The following CDH13 variants were observed in gnomAD, a reference collection of about 807,000 sequenced individuals.
The protein encoded by CDH13 is cadherin-13.
In CDH13, 24 loss-of-function variants were observed where a neutral mutation model predicts 63.8. The observed-to-expected ratio is 0.38, with a 90% CI of 0.27 to 0.53. The LOEUF is 0.53. CDH13 is among the 20% of genes least tolerant of loss of function. The pLI is 0.85. For synonymous variants in CDH13, 503 were observed against 355.3 expected (o/e 1.42, Z -4.67); for missense variants, 1,049 against 903.1 (o/e 1.16, Z -2.07).
chr16:83,611,226 C>A (rs1408930768), intron 8 of CDH13, among the ~76,000 whole-genome samples: 1 of 151,916 alleles, frequency 6.6e-6, no homozygotes, highest in African/African-American at 2.4e-5. Context: ...TTTTTTTTTA[C>A]ACTCTGGCTT....
chr16:82,905,790 T>C (rs188289730), intron 2 of CDH13, among the ~76,000 whole-genome samples: 3 of 152,164 alleles, frequency 2.0e-5, no homozygotes, highest in African/African-American at 7.2e-5. Context: ...TAGAATCCAG[T>C]GTGTATTTAT....
At chr16:83,422,306 C>G (rs552398380) in intron 6 of CDH13, among the ~76,000 whole-genome samples, 2 of 152,280 alleles carry the variant, frequency 1.3e-5, no homozygotes, top group African/African-American at 2.4e-5. Flanking sequence ...CACAGTCATT[C>G]TCTTTAATAG....
intron 2 of CDH13, among the ~76,000 whole-genome samples, chr16:82,911,359 T>C (rs1408211506): frequency 6.6e-6 from 1 of 152,222 alleles, no homozygotes; most frequent in African/African-American, 2.4e-5. Context: ...CTTTTCATCA[T>C]GCCTCTCCCC....
At chr16:82,924,000 G>A (rs2042232762) in intron 2 of CDH13, among the ~76,000 whole-genome samples, 1 of 152,090 alleles carries the variant, frequency 6.6e-6, no homozygotes, top group Non-Finnish European at 1.5e-5. Flanking sequence ...TGTAACAATT[G>A]GCTTCTCAAA....
In CDH13 at chr16:83,475,256, A is replaced by C. The variant is rs558715617; in HGVS notation, c.782-11221A>C. 1.4e-3 allele frequency among the ~76,000 whole-genome samples: 207 copies of C among 152,330 alleles called. 4 individuals carry two copies. The South Asian group carries it at 0.04, about 29-fold the overall frequency. On this transcript the variant is annotated intron_variant, in intron 6 of 13. Transcript: ENST00000567109. ...ACCTGCTCTTGAGCTTGCCTTAGAC[A>C]CCAGGTCTGGCCGCTGAAGTGCAGG...
intron 2 of CDH13, among the ~76,000 whole-genome samples, chr16:82,860,996 G>A (rs539936199): frequency 2.6e-5 from 4 of 152,244 alleles, no homozygotes; most frequent in East Asian, 1.9e-4. Flanking sequence ...TCTGAAAAAC[G>A]TGATTAATCA....
intron 3 of CDH13, among the ~76,000 whole-genome samples, chr16:83,037,048 A>C (rs1227338296): frequency 2.6e-5 from 4 of 152,220 alleles, no homozygotes; most frequent in Non-Finnish European, 4.4e-5. Context: ...TAGGTTCTTA[A>C]GCAGAGAAAC....
At chr16:82,987,297 T>C (rs1911062617) in intron 2 of CDH13, among the ~76,000 whole-genome samples, 1 of 152,254 alleles carries the variant, frequency 6.6e-6, no homozygotes, top group Non-Finnish European at 1.5e-5. Flanking sequence ...TTCTATCTAC[T>C]GGGCAGAGAT....
chr16:83,701,297 C>T (rs1039285007), intron 10 of CDH13, among the ~76,000 whole-genome samples: 4 of 152,194 alleles, frequency 2.6e-5, no homozygotes, highest in Non-Finnish European at 4.4e-5. Flanking sequence ...ATGGGGCCAT[C>T]GGGTGGCTGC....
chr16:82,652,156 G>A (rs951103410), intron 1 of CDH13, among the ~76,000 whole-genome samples: 1 of 152,240 alleles, frequency 6.6e-6, no homozygotes, highest in African/African-American at 2.4e-5. Context: ...TCTGAAAAGA[G>A]GTCATCAGAT....
At chr16:83,423,371 C>T (rs1385654676) in intron 6 of CDH13, among the ~76,000 whole-genome samples, 4 of 152,144 alleles carry the variant, frequency 2.6e-5, no homozygotes, top group African/African-American at 9.7e-5. Context: ...GCCACTCACT[C>T]GTTGCTCTTT....
chr16:83,086,632 A>T (rs1224916797), intron 3 of CDH13, among the ~76,000 whole-genome samples: 1 of 152,232 alleles, frequency 6.6e-6, no homozygotes, highest in Non-Finnish European at 1.5e-5. Flanking sequence ...TGACCTTGAC[A>T]TTTAAACCAT....
chr16:83,281,570 T>C (rs1249905953), intron 5 of CDH13, among the ~76,000 whole-genome samples: 1 of 152,124 alleles, frequency 6.6e-6, no homozygotes, highest in African/African-American at 2.4e-5. Context: ...GTACAAGAGG[T>C]CTGGCTTTCA....
At chr16:82,976,689 C>G (rs941051842) in intron 2 of CDH13, among the ~76,000 whole-genome samples, 1 of 152,154 alleles carries the variant, frequency 6.6e-6, no homozygotes, top group Admixed American at 6.5e-5. Context: ...CTGAGGGGTT[C>G]AGACTCCCAA....
In CDH13 at chr16:83,452,908, A is replaced by C. The variant is rs79965455; in HGVS notation, c.782-33569A>C. 9.3e-3 allele frequency among the ~76,000 whole-genome samples: 1,420 copies of C among 152,260 alleles called. 6 individuals carry two copies. Among genetic ancestry groups the C allele is most frequent in the Non-Finnish European group, 0.015 (1,009 of 68,026 alleles). ...TCCAGGAACACCAGCATTTCATTAGACTTAGACCCACTGTAAGCAAAGGGC... is the reference window on the plus strand; with the variant it reads ...TCCAGGAACACCAGCATTTCATTAGCCTTAGACCCACTGTAAGCAAAGGGC... On this transcript the variant is annotated intron_variant, in intron 6 of 13. Coordinates refer to ENST00000567109, the MANE Select transcript of CDH13 (RefSeq NM_001257.5).
At chr16:83,505,269 G>T (rs553955370) in intron 7 of CDH13, among the ~76,000 whole-genome samples, 41 of 152,280 alleles carry the variant, frequency 2.7e-4, no homozygotes, top group African/African-American at 9.9e-4. Flanking sequence ...ATGCCTAGCG[G>T]GCGTTAGCCT....
chr16:83,762,821 G>A (rs1250298026), intron 11 of CDH13, among the ~76,000 whole-genome samples: 2 of 152,078 alleles, frequency 1.3e-5, no homozygotes, highest in Non-Finnish European at 2.9e-5. Context: ...TTATTGAATG[G>A]GGCTCTTATG....
chr16:83,236,868 A>T (rs2040159989), intron 5 of CDH13, among the ~76,000 whole-genome samples: 1 of 152,120 alleles, frequency 6.6e-6, no homozygotes, highest in Non-Finnish European at 1.5e-5. Context: ...AGTCATGGAA[A>T]TGTTTTGGAA....
At chr16:83,460,150 A>T (rs1330772410) in intron 6 of CDH13, among the ~76,000 whole-genome samples, 1 of 152,262 alleles carries the variant, frequency 6.6e-6, no homozygotes, top group Non-Finnish European at 1.5e-5. Context: ...AAAACTGTTC[A>T]CACTCATTGG....
Sources: gnomAD v4.1 joint callset for allele counts (sites outside exome capture counted in the v4.1 genomes callset) on GRCh38, gnomAD v4.1.1 for gene constraint, MANE v1.5 for transcripts, NCBI Gene and HGNC (gene_info 2026-07-23, HGNC 2026-07-21) for gene names.